The following CASP2 variants were observed in gnomAD, a reference collection of about 807,000 sequenced individuals.
The protein encoded by CASP2 is caspase 2, also known as caspase-2.
Under a neutral mutation model 54.4 loss-of-function variants are expected in CASP2, and 38 were observed. The ratio of observed to expected loss-of-function variants is 0.70; its 90% CI spans 0.54 to 0.92. The LOEUF (loss-of-function observed/expected upper bound fraction) is 0.92. Ranked by LOEUF, CASP2 falls within the 40% of genes least tolerant of loss-of-function variation. The pLI is 0.00. For synonymous variants in CASP2, 215 were observed against 216.3 expected (o/e 0.99, Z 0.05); for missense variants, 512 against 579.6 (o/e 0.88, Z 1.20).
chr7:143,300,347 A>G, intron 8 of CASP2, 53 bp downstream of exon 8: 1 of 1,607,600 alleles, frequency 6.2e-7, no homozygotes, highest in South Asian at 1.1e-5. Flanking sequence ...GCAGCCTCCC[A>G]CCAGCTCTCA....
At position 143,293,122 on chromosome 7, in the gene CASP2, T is replaced by A. The variant is rs1487601035; in HGVS notation, c.475+424T>A. 6.1e-6 allele frequency: 4 copies of A among 651,390 alleles called. No homozygotes were observed. The East Asian group carries it at 1.1e-4, about 18-fold the overall frequency. The allele number at this position is 651,390 out of a possible 1,614,324, so 40.4% of individuals were successfully genotyped here. A position where few individuals can be genotyped will look rare whatever the true frequency, so the allele number is the denominator to read the frequency against. ...CATGAGCCCTTTTTTTTGTTTTTTTTTTTTTTTGTTGTGTTTTTTTTCAGA... is the reference window on the plus strand; with the variant it reads ...CATGAGCCCTTTTTTTTGTTTTTTTATTTTTTTGTTGTGTTTTTTTTCAGA... On this transcript the variant is annotated intron_variant, in intron 4 of 10. Coordinates refer to ENST00000310447, the MANE Select transcript of CASP2 (RefSeq NM_032982.4).
rs759491325 is a variant in CASP2 at position 143,294,597 on chromosome 7, G to T, written c.571G>T (p.Ala191Ser). The T allele has an allele frequency of 1.2e-6, 2 of 1,613,920 alleles. No homozygotes were observed. Among genetic ancestry groups the T allele is most frequent in the Non-Finnish European group, 1.7e-6 (2 of 1,179,912 alleles). Reference sequence around the variant, plus strand: ...GGTCTAACTGGCCTCTCCTCCACAGGCATATAGGTTGCAGTCTCGGCCTCG... The same window carrying T: ...GGTCTAACTGGCCTCTCCTCCACAGTCATATAGGTTGCAGTCTCGGCCTCG... ...PEFYQTHFQLAYRLQSRPRGL... is the reference protein window; with the variant it reads ...PEFYQTHFQLSYRLQSRPRGL... Residue 191 changes from alanine (A) to serine (S), a missense_variant and splice_region_variant, in exon 6 of 11, where the codon GCA becomes TCA. This residue lies in a region of CASP2 where 417 missense variants were observed against 495.4 expected (regional missense o/e 0.84). Transcript: ENST00000310447.
At chr7:143,299,794 C>A in intron 6 of CASP2, 129 bp from the exon 7 acceptor site, 2 of 1,004,240 alleles carry the variant, frequency 2.0e-6, no homozygotes, top group Non-Finnish European at 3.1e-6. Flanking sequence ...CTTCTTTTAT[C>A]ATTGACCACA....
intron 6 of CASP2, 145 bp downstream of exon 6, chr7:143,294,918 C>A: frequency 1.3e-6 from 1 of 752,954 alleles, no homozygotes; most frequent in Non-Finnish European, 2.3e-6. Context: ...TCTGTTCTGC[C>A]TCTCACCTTG....
At position 143,304,690 on chromosome 7, in the gene CASP2, G is replaced by T. The variant is rs1563066781; in HGVS notation, c.1134G>T (p.Arg378=). ...YACLKGTAAM[R]NTKRGSWYIE... ...TGGTTGCAGGGACTGCCGCCATGCGGAACACCAAACGAGGTTCCTGGTACA... is the reference window on the plus strand; with the variant it reads ...TGGTTGCAGGGACTGCCGCCATGCGTAACACCAAACGAGGTTCCTGGTACA... Residue 378 remains arginine, a synonymous_variant, in exon 10 of 11, where the codon CGG becomes CGT. Coordinates refer to ENST00000310447, the MANE Select transcript of CASP2 (RefSeq NM_032982.4). The T allele has an allele frequency of 6.2e-7, 1 of 1,614,124 alleles. No individual in the cohort carries two copies. Among genetic ancestry groups the T allele is most frequent in the East Asian group, 2.2e-5 (1 of 44,878 alleles).
Position 143,288,526 on chromosome 7 carries a change from G to A in CASP2, c.71G>A (p.Arg24His), listed in dbSNP as rs368981317. Residue 24 changes from arginine (R) to histidine (H), a missense_variant, in exon 1 of 11, where the codon CGC becomes CAC. Arg to His is a conservative substitution (Grantham distance 29, BLOSUM62 0). Transcript: ENST00000310447. ...GAGCTGATGGCCGCTGACAGGGGACGCAGGTAAGTAGGGAACGGTCTTAGG... is the reference window on the plus strand; with the variant it reads ...GAGCTGATGGCCGCTGACAGGGGACACAGGTAAGTAGGGAACGGTCTTAGG... The part of the protein sequence containing the change: ...HKELMAADRG[R>H]RILGVCGMHP... The A allele has an allele frequency of 9.3e-6, 15 of 1,612,844 alleles. No homozygotes were observed. Among genetic ancestry groups the A allele is most frequent in the African/African-American group, 1.3e-5 (1 of 74,906 alleles).
At chr7:143,295,492 A>G (rs1801717454) in intron 6 of CASP2, among the ~76,000 whole-genome samples, 1 of 152,208 alleles carries the variant, frequency 6.6e-6, no homozygotes, top group African/African-American at 2.4e-5. Flanking sequence ...CTATTTTGCA[A>G]TCAATAATGG....
intron 8 of CASP2, chr7:143,302,581 C>T (rs1801946912): frequency 6.6e-6 from 1 of 152,160 alleles, no homozygotes; most frequent in Admixed American, 6.6e-5. Flanking sequence ...AGACAGTGCC[C>T]AACACATGGC....
intron 1 of CASP2, among the ~76,000 whole-genome samples, chr7:143,290,163 C>T (rs1225656738): frequency 3.4e-5 from 5 of 148,120 alleles, no homozygotes; most frequent in Non-Finnish European, 5.9e-5. Context: ...AAGGTTCAAG[C>T]GATTCTCCTG....
intron 6 of CASP2, 65 bp from the exon 7 acceptor site, chr7:143,299,858 C>T: frequency 6.2e-7 from 1 of 1,601,790 alleles, no homozygotes; most frequent in African/African-American, 1.3e-5. Context: ...CAAAAAGAAA[C>T]CAAACTTTGA....
chr7:143,296,243 A>G (rs984471503), intron 6 of CASP2, among the ~76,000 whole-genome samples: 2 of 152,186 alleles, frequency 1.3e-5, no homozygotes, highest in Non-Finnish European at 2.9e-5. Context: ...ATTGGATTCT[A>G]ATTCTTTGGT....
rs777186983 is a variant in CASP2, at chr7:143,291,780, C to CTTTT, written c.225+107_225+110dup. ...TGGAAAGGGTGTCGTATCTTTCTTCCTTTTTTTTTTTTTTTTTTTTGAGAC... is the reference window on the plus strand; with the variant it reads ...TGGAAAGGGTGTCGTATCTTTCTTCCTTTTTTTTTTTTTTTTTTTTTTTTGAGAC... On this transcript the variant is annotated intron_variant, in intron 2 of 10. Coordinates refer to ENST00000310447, the MANE Select transcript of CASP2 (RefSeq NM_032982.4). The CTTTT allele has an allele frequency of 6.0e-3, 2,543 of 422,536 alleles. 77 individuals are homozygous for CTTTT. Among genetic ancestry groups the CTTTT allele is most frequent in the African/African-American group, 0.025 (671 of 26,322 alleles). The allele number at this position is 422,536 out of a possible 1,614,324, so 26.2% of individuals were successfully genotyped here. A position where few individuals can be genotyped will look rare whatever the true frequency, so the allele number is the denominator to read the frequency against.
In CASP2 at chr7:143,288,383, TG is replaced by T. The variant is rs1801441253; in HGVS notation, c.-68del. The T allele has an allele frequency of 6.8e-7, 1 of 1,471,298 alleles. No homozygotes were observed. Among genetic ancestry groups the T allele is most frequent in the Non-Finnish European group, 9.4e-7 (1 of 1,060,710 alleles). 91.1% of individuals were successfully genotyped at this position (1,471,298 alleles called of 1,614,324 possible). A position where few individuals can be genotyped will look rare whatever the true frequency, so the allele number is the denominator to read the frequency against. ...GCGTCCGCGTCTGAGGGGAGGGATG[TG>T]GGGGAAGCGACGGCCCCCGGTTTGT... On this transcript the variant is annotated 5_prime_UTR_variant, in exon 1 of 11. Transcript: ENST00000310447.
At chr7:143,296,525 ACTG>A (rs1801755977) in intron 6 of CASP2, among the ~76,000 whole-genome samples, 2 of 152,226 alleles carry the variant, frequency 1.3e-5, no homozygotes, top group African/African-American at 4.8e-5. Context: ...GATAGAAGTT[ACTG>A]AAGCAGAGAG....
At chr7:143,298,923 G>A (rs1282757915) in intron 6 of CASP2, 1 of 151,814 alleles carries the variant, frequency 6.6e-6, no homozygotes, top group Non-Finnish European at 1.5e-5. Context: ...CATTGTAATG[G>A]CACATTTTTT....
intron 6 of CASP2, among the ~76,000 whole-genome samples, chr7:143,296,153 G>A (rs951209705): frequency 6.6e-6 from 1 of 152,208 alleles, no homozygotes; most frequent in Non-Finnish European, 1.5e-5. Context: ...CTCAGAGACT[G>A]TCAGATTTGG....
At chr7:143,302,767 T>A (rs896366350) in intron 8 of CASP2, 3 of 152,182 alleles carry the variant, frequency 2.0e-5, no homozygotes, top group African/African-American at 7.2e-5. Context: ...TCTTGCCTAC[T>A]GACAGCACCC....
At chr7:143,290,188 GTAGC>G (rs1801515089) in intron 1 of CASP2, among the ~76,000 whole-genome samples, 1 of 150,834 alleles carries the variant, frequency 6.6e-6, no homozygotes, top group South Asian at 2.1e-4. Flanking sequence ...AGCCTCCCGA[GTAGC>G]TAGGACTACA....
At chr7:143,304,285 T>G (rs1215294915) in intron 9 of CASP2, among the ~76,000 whole-genome samples, 1 of 152,218 alleles carries the variant, frequency 6.6e-6, no homozygotes. Context: ...TGAGCATCTG[T>G]CAGCACCATT....
Sources: allele counts gnomAD v4.1 joint callset (sites outside exome capture counted in the v4.1 genomes callset), GRCh38; gene constraint gnomAD v4.1.1; regional missense constraint gnomAD v4.1.1; transcripts MANE v1.5; gene names NCBI Gene and HGNC (gene_info 2026-07-23, HGNC 2026-07-21).